Variants in NDUFAF2 observed in about 807,000 individuals in gnomAD.
NDUFAF2 encodes NADH dehydrogenase [ubiquinone] 1 alpha subcomplex assembly factor 2.
In NDUFAF2, 13 loss-of-function variants were observed where a neutral mutation model predicts 22.8. The observed-to-expected ratio is 0.57, with a 90% confidence interval of 0.37 to 0.91. NDUFAF2 has a LOEUF of 0.91. NDUFAF2 is among the 40% of genes least tolerant of loss of function. NDUFAF2 has a pLI of 0.01. For missense variants in NDUFAF2, 162 were observed against 195.2 expected, an observed-to-expected ratio of 0.83 and a Z score of 1.01; for synonymous variants, 53 against 64.2, an observed-to-expected ratio of 0.83 and a Z score of 0.84.
chr5:61,102,465 A>G (rs866712804), intron 3 of NDUFAF2, among the ~76,000 whole-genome samples: 2 of 152,256 alleles, frequency 1.3e-5, no homozygotes, highest in Middle Eastern at 3.4e-3. Flanking sequence ...GAATAACTTA[A>G]TATCCATATG....
chr5:61,053,954 A>T (rs1468440739), intron 1 of NDUFAF2, among the ~76,000 whole-genome samples: 2 of 152,192 alleles, frequency 1.3e-5, no homozygotes, highest in Admixed American at 1.3e-4. Flanking sequence ...AATTTTGGTA[A>T]AAAATAAAAC....
At chr5:61,113,196 A>G (rs1752867290) in intron 3 of NDUFAF2, among the ~76,000 whole-genome samples, 1 of 152,140 alleles carries the variant, frequency 6.6e-6, no homozygotes, top group African/African-American at 2.4e-5. Context: ...TTACAGCAAA[A>G]TTGGAGTTTT....
At chr5:61,048,911 A>G (rs1428562583) in intron 1 of NDUFAF2, among the ~76,000 whole-genome samples, 1 of 152,050 alleles carries the variant, frequency 6.6e-6, no homozygotes, top group Non-Finnish European at 1.5e-5. Context: ...CACATTCACA[A>G]TGGGGCGCAC....
intron 2 of NDUFAF2, among the ~76,000 whole-genome samples, chr5:61,074,181 G>T (rs1471932485): frequency 6.6e-6 from 1 of 152,212 alleles, no homozygotes; most frequent in African/African-American, 2.4e-5. Context: ...GCCGGGAGTG[G>T]TGACTCACGC....
At chr5:61,005,112 G>A (rs536533070) in intron 1 of NDUFAF2, among the ~76,000 whole-genome samples, 7 of 151,830 alleles carry the variant, frequency 4.6e-5, no homozygotes, top group Admixed American at 6.6e-5. Flanking sequence ...GACAGACCCC[G>A]GTGTGCGATG....
chr5:60,984,839 G>T (rs970158988), intron 1 of NDUFAF2, among the ~76,000 whole-genome samples: 10 of 151,906 alleles, frequency 6.6e-5, no homozygotes, highest in African/African-American at 2.4e-4. Context: ...CATCAGGGAT[G>T]TTGGTGTAAA....
chr5:60,976,211 T>G (rs951501336), intron 1 of NDUFAF2, among the ~76,000 whole-genome samples: 2 of 152,032 alleles, frequency 1.3e-5, no homozygotes, highest in Admixed American at 6.6e-5. Context: ...TTACTAGATG[T>G]AAATTTTTAA....
intron 3 of NDUFAF2, among the ~76,000 whole-genome samples, chr5:61,132,778 A>G (rs984298899): frequency 1.3e-5 from 2 of 152,094 alleles, no homozygotes; most frequent in African/African-American, 2.4e-5. Flanking sequence ...TGTTAGTGCT[A>G]TTCACATTGC....
At chr5:61,001,820 T>C (rs528440769) in intron 1 of NDUFAF2, among the ~76,000 whole-genome samples, 10 of 152,162 alleles carry the variant, frequency 6.6e-5, no homozygotes, top group Non-Finnish European at 1.5e-4. Context: ...GGTCACCTTA[T>C]ATAACACAGC....
chr5:61,047,275 C>T (rs116448750), intron 1 of NDUFAF2, among the ~76,000 whole-genome samples: 1 of 152,036 alleles, frequency 6.6e-6, no homozygotes, highest in Non-Finnish European at 1.5e-5. Context: ...CTAATTTCAT[C>T]CTATGATCAT....
intron 1 of NDUFAF2, among the ~76,000 whole-genome samples, chr5:61,052,356 G>T (rs1752034756): frequency 6.6e-6 from 1 of 152,066 alleles, no homozygotes; most frequent in African/African-American, 2.4e-5. Context: ...TGTCGCCCAG[G>T]CTGGAGTGCA....
intron 3 of NDUFAF2, among the ~76,000 whole-genome samples, chr5:61,120,362 T>C (rs1752961228): frequency 6.6e-6 from 1 of 152,192 alleles, no homozygotes; most frequent in Non-Finnish European, 1.5e-5. Context: ...AAGAAATGTT[T>C]ATGCTAGTTT....
At chr5:61,046,927 ATT>A (rs1480611270) in intron 1 of NDUFAF2, among the ~76,000 whole-genome samples, 1 of 152,004 alleles carries the variant, frequency 6.6e-6, no homozygotes, top group East Asian at 1.9e-4. Context: ...ACCTACATTT[ATT>A]TCTCTTTTGA....
rs561918123 is a variant in NDUFAF2, at chr5:61,129,062, C to T, written c.259-23642C>T. 3.3e-5 allele frequency among the ~76,000 whole-genome samples: 5 copies of T among 152,236 alleles called. No homozygotes were observed. The South Asian group carries it at 1.0e-3, about 32-fold the overall frequency. On this transcript the variant is annotated intron_variant, in intron 3 of 3. Transcript: ENST00000296597. Reference sequence around the variant, plus strand: ...ATGAAAAAGTGCTCATCATCACTGGCCATCAGAGAAATGCAAATCAAAACC... The same window carrying T: ...ATGAAAAAGTGCTCATCATCACTGGTCATCAGAGAAATGCAAATCAAAACC...
At chr5:61,031,688 G>A (rs940670212) in intron 1 of NDUFAF2, among the ~76,000 whole-genome samples, 12 of 152,100 alleles carry the variant, frequency 7.9e-5, no homozygotes, top group African/African-American at 2.2e-4. Context: ...GTAAACATAC[G>A]TGTGCATGTG....
intron 1 of NDUFAF2, among the ~76,000 whole-genome samples, chr5:61,069,768 TTTA>T (rs1404590292): frequency 1.3e-5 from 2 of 152,112 alleles, no homozygotes; most frequent in Non-Finnish European, 2.9e-5. Flanking sequence ...GATCTCACCT[TTTA>T]TTATGTTTTC....
At chr5:61,052,339 C>A (rs1466255423) in intron 1 of NDUFAF2, among the ~76,000 whole-genome samples, 1 of 152,112 alleles carries the variant, frequency 6.6e-6, no homozygotes, top group African/African-American at 2.4e-5. Flanking sequence ...GAGACGGAGT[C>A]TTGCTCTGTC....
chr5:61,085,426 A>T (rs1050016143), intron 2 of NDUFAF2, among the ~76,000 whole-genome samples: 1 of 152,166 alleles, frequency 6.6e-6, no homozygotes, highest in Admixed American at 6.6e-5. Context: ...GGGGAAAAAA[A>T]CCTACAGTTA....
chr5:61,128,750 A>G (rs1167494857), intron 3 of NDUFAF2, among the ~76,000 whole-genome samples: 1 of 152,234 alleles, frequency 6.6e-6, no homozygotes, highest in Non-Finnish European at 1.5e-5. Context: ...CAAGGACCTC[A>G]TGTCTAAAAC....
Sources: gnomAD v4.1 joint callset for allele counts (sites outside exome capture counted in the v4.1 genomes callset) on GRCh38, gnomAD v4.1.1 for gene constraint, MANE v1.5 for transcripts, NCBI Gene and HGNC (gene_info 2026-07-23, HGNC 2026-07-21) for gene names.